GRM1: variants seen among roughly 807,000 people sequenced by gnomAD.
The protein encoded by GRM1 is metabotropic glutamate receptor 1.
A neutral mutation model predicts 90.9 loss-of-function variants in GRM1; 33 were observed. The ratio of observed to expected loss-of-function variants is 0.36; its 90% CI spans 0.28 to 0.49. The LOEUF (loss-of-function observed/expected upper bound fraction) is 0.49, where lower values mean the gene tolerates loss of function less well. GRM1 is among the 20% of genes least tolerant of loss of function. The pLI is 0.99. For missense variants in GRM1, 1,190 were observed against 1,534.3 expected, an observed-to-expected ratio of 0.78 and a Z score of 3.75; for synonymous variants, 700 against 613.2, an observed-to-expected ratio of 1.14 and a Z score of -2.09.
chr6:146,403,920 G>A (rs1777242522), intron 7 of GRM1, among the ~76,000 whole-genome samples: 1 of 151,988 alleles, frequency 6.6e-6, no homozygotes, highest in Admixed American at 6.6e-5. Context: ...AGGGTAATTA[G>A]CACATCTATC....
intron 7 of GRM1, among the ~76,000 whole-genome samples, chr6:146,424,729 T>A (rs1038912170): frequency 5.3e-5 from 8 of 152,206 alleles, no homozygotes; most frequent in Non-Finnish European, 1.2e-4. Flanking sequence ...ACAGGCCACA[T>A]ACAGACATTC....
intron 2 of GRM1, among the ~76,000 whole-genome samples, chr6:146,243,817 A>G (rs1780951450): frequency 6.6e-6 from 1 of 152,134 alleles, no homozygotes. Flanking sequence ...TGGGAGCACT[A>G]CGGGAGACTG....
intron 2 of GRM1, among the ~76,000 whole-genome samples, chr6:146,287,333 C>G (rs1310842967): frequency 1.3e-5 from 2 of 152,078 alleles, no homozygotes; most frequent in Admixed American, 6.5e-5. Flanking sequence ...TCTCTGGGAC[C>G]TTTTACTTTC....
chr6:146,092,931 G>C (rs1004441923), intron 1 of GRM1, among the ~76,000 whole-genome samples: 3 of 152,114 alleles, frequency 2.0e-5, no homozygotes, highest in African/African-American at 4.8e-5. Context: ...ATGAAACATT[G>C]CTGGTAATAT....
intron 2 of GRM1, among the ~76,000 whole-genome samples, chr6:146,177,280 T>A (rs1778371199): frequency 6.6e-6 from 1 of 152,106 alleles, no homozygotes. Context: ...TGACTTCCTC[T>A]GACAACTCAC....
chr6:146,382,925 A>G (rs1776369370), intron 5 of GRM1, among the ~76,000 whole-genome samples: 1 of 152,066 alleles, frequency 6.6e-6, no homozygotes, highest in Non-Finnish European at 1.5e-5. Flanking sequence ...TGTGCATCTT[A>G]CTCTGGAGTG....
chr6:146,151,834 A>T (rs1216492697), intron 1 of GRM1, among the ~76,000 whole-genome samples: 1 of 152,178 alleles, frequency 6.6e-6, no homozygotes, highest in Non-Finnish European at 1.5e-5. Context: ...TTTTATGATT[A>T]TTCAAATAAT....
chr6:146,363,190 A>G (rs1775556469), intron 5 of GRM1, among the ~76,000 whole-genome samples: 1 of 152,192 alleles, frequency 6.6e-6, no homozygotes, highest in South Asian at 2.1e-4. Context: ...ACCTTTCACC[A>G]TAGGCCATTG....
chr6:146,410,429 TATG>T (rs1777518862), intron 7 of GRM1, among the ~76,000 whole-genome samples: 1 of 152,118 alleles, frequency 6.6e-6, no homozygotes, highest in South Asian at 2.1e-4. Context: ...AACAATAAAA[TATG>T]ATTGTTAACA....
chr6:146,399,457 T>C lies in GRM1; in HGVS notation c.2418T>C (p.Phe806=). Residue 806 remains phenylalanine, a synonymous_variant, in exon 7 of 8, where the codon TTT becomes TTC. Coordinates refer to ENST00000282753, the MANE Select transcript of GRM1 (RefSeq NM_001278064.2). The surrounding 1 kb of genome is among the most constrained non-coding windows in gnomAD (Gnocchi z 5.4). ...IIWLAFVPIY[F]GSNYKIITTC... is the part of the protein sequence containing the mutation. The stretch of plus-strand genomic sequence containing the variant: ...GGCTAGCTTTTGTGCCCATTTACTT[T>C]GGGAGCAACTACAAGATCATCACAA... The C allele has an allele frequency of 6.2e-7, 1 of 1,614,176 alleles. No homozygotes were observed. The highest frequency in any genetic ancestry group is 8.5e-7 in the Non-Finnish European group (1 of 1,180,008).
At position 146,434,498 on chromosome 6, in the gene GRM1, A is replaced by G. The variant is rs2114701030; in HGVS notation, c.3287A>G (p.Asp1096Gly). ...GEELVSPPAD[D>G]DDDSERFKLL... ...GAGCTGGTCTCCCCGCCCGCGGACG[A>G]CGACGACGACAGCGAGAGGTTTAAG... Residue 1096 changes from aspartate to glycine, a missense_variant, in exon 8 of 8, where the codon GAC (aspartate) becomes GGC (glycine). Physicochemically the swap from Asp to Gly is moderately conservative, Grantham distance 94 (BLOSUM62 -1). Transcript: ENST00000282753. 1.1e-5 allele frequency: 17 copies of G among 1,614,062 alleles called. No homozygotes were observed. Among genetic ancestry groups the G allele is most frequent in the Non-Finnish European group, 1.4e-5 (17 of 1,180,014 alleles).
intron 6 of GRM1, among the ~76,000 whole-genome samples, chr6:146,390,087 A>G (rs1776661580): frequency 6.6e-6 from 1 of 152,076 alleles, no homozygotes. Context: ...TTTTTTCACT[A>G]AATATTAGTT....
chr6:146,185,142 T>A (rs556550438), intron 2 of GRM1, among the ~76,000 whole-genome samples: 1 of 152,356 alleles, frequency 6.6e-6, no homozygotes, highest in Non-Finnish European at 1.5e-5. Flanking sequence ...TCATGACATC[T>A]GGATGATATG....
intron 1 of GRM1, among the ~76,000 whole-genome samples, chr6:146,080,658 G>A (rs959578991): frequency 1.3e-5 from 2 of 151,116 alleles, no homozygotes; most frequent in African/African-American, 2.4e-5. Flanking sequence ...TCCAAGCCTC[G>A]TTGGTGTGGG....
chr6:146,058,269 C>T (rs961632754), intron 1 of GRM1, among the ~76,000 whole-genome samples: 1 of 151,972 alleles, frequency 6.6e-6, no homozygotes. Context: ...TACAGGTGTA[C>T]CTCAGAGATG....
At chr6:146,296,401 T>C in intron 2 of GRM1, among the ~76,000 whole-genome samples, 1 of 152,196 alleles carries the variant, frequency 6.6e-6, no homozygotes, top group East Asian at 1.9e-4. Context: ...TCACTACACA[T>C]ACTTATCACT....
intron 2 of GRM1, among the ~76,000 whole-genome samples, chr6:146,275,993 G>A (rs1040645364): frequency 2.6e-5 from 4 of 151,586 alleles, no homozygotes; most frequent in Admixed American, 2.0e-4. Flanking sequence ...GAGGAGGAAG[G>A]CAGAGAGAGA....
rs143732966 is a variant in GRM1 at position 146,142,663 on chromosome 6, G to A, written c.701-16685G>A. Among the ~76,000 whole-genome samples the A allele has an allele frequency of 2.8e-3, 386 of 140,114 alleles. 3 individuals are homozygous for A. Among genetic ancestry groups the A allele is most frequent in the African/African-American group, 9.0e-3 (354 of 39,142 alleles). 91.9% of individuals were successfully genotyped at this position (140,114 alleles called of 152,430 possible). A position where few individuals can be genotyped will look rare whatever the true frequency, so the allele number is the denominator to read the frequency against. ...TTTCCACAAGCAGAGGCGTTTCTCC[G>A]CATAGACCACCACCACAGGCCTGCA... On this transcript the variant is annotated intron_variant, in intron 1 of 7. Transcript: ENST00000282753.
chr6:146,131,499 A>G (rs1259278510), intron 1 of GRM1, among the ~76,000 whole-genome samples: 3 of 149,874 alleles, frequency 2.0e-5, no homozygotes, highest in Non-Finnish European at 4.4e-5. Context: ...GATATGGTAT[A>G]TATATAATAT....
Sources: allele counts gnomAD v4.1 joint callset (sites outside exome capture counted in the v4.1 genomes callset), GRCh38; gene constraint gnomAD v4.1.1; non-coding constraint Gnocchi (gnomAD v3.1); transcripts MANE v1.5; gene names NCBI Gene and HGNC (gene_info 2026-07-23, HGNC 2026-07-21).